GKAP1: variants seen among roughly 807,000 people sequenced by gnomAD.
GKAP1 encodes the protein G kinase anchoring protein 1, also known as G kinase-anchoring protein 1.
A neutral mutation model predicts 56.7 loss-of-function variants in GKAP1; 31 were observed. That is an observed-to-expected ratio of 0.55 (90% CI 0.41 to 0.74). GKAP1 has a LOEUF of 0.74. Among genes scored for constraint, GKAP1 ranks in the 30% least tolerant of loss-of-function variants. The pLI, the probability that GKAP1 is intolerant of heterozygous loss-of-function variation, is 0.00. For missense variants in GKAP1, 364 were observed against 402.3 expected (o/e 0.90, Z 0.82); for synonymous variants, 151 against 138.6 (o/e 1.09, Z -0.63).
intron 10 of GKAP1, among the ~76,000 whole-genome samples, chr9:83,747,646 T>C (rs960578897): frequency 6.6e-6 from 1 of 152,058 alleles, no homozygotes; most frequent in Non-Finnish European, 1.5e-5. Context: ...CAGCATTTTT[T>C]TTTTTTTTTG....
At chr9:83,795,588 C>CTTTTTTTTTTT (rs58291258) in intron 4 of GKAP1, among the ~76,000 whole-genome samples, 3 of 109,050 alleles carry the variant, frequency 2.8e-5, no homozygotes, top group African/African-American at 3.4e-5. Flanking sequence ...CTGAGAGTGT[C>CTTTTTTTTTTT]TTTTTTTTTT....
chr9:83,788,821 C>A, intron 4 of GKAP1, 143 bp from the exon 5 acceptor site: 1 of 474,034 alleles, frequency 2.1e-6, no homozygotes, highest in Non-Finnish European at 3.7e-6. Context: ...TCTAACCATG[C>A]CAAACTAGGA....
chr9:83,766,290 C>T (rs1335327512), intron 8 of GKAP1, among the ~76,000 whole-genome samples: 3 of 152,178 alleles, frequency 2.0e-5, no homozygotes, highest in Non-Finnish European at 4.4e-5. Context: ...GTCAATTACA[C>T]CTCTTTCCTT....
chr9:83,790,110 T>A (rs1944129541), intron 4 of GKAP1, among the ~76,000 whole-genome samples: 1 of 152,120 alleles, frequency 6.6e-6, no homozygotes, highest in South Asian at 2.1e-4. Context: ...TTTGAAAGCA[T>A]CTAATCCTAT....
chr9:83,806,734 C>T (rs76582580), intron 2 of GKAP1, among the ~76,000 whole-genome samples, 174 bp from the exon 3 acceptor site: 3,091 of 152,104 alleles, frequency 0.02, 50 homozygotes, highest in Middle Eastern at 0.041. Context: ...TTTAAGTAAA[C>T]GATATAACAT....
chr9:83,797,595 A>G (rs1944267844), intron 4 of GKAP1, among the ~76,000 whole-genome samples: 1 of 152,212 alleles, frequency 6.6e-6, no homozygotes, highest in South Asian at 2.1e-4. Flanking sequence ...GTGACCCATC[A>G]GTAGTATACT....
At chr9:83,753,871 C>T (rs769934247) in intron 8 of GKAP1, among the ~76,000 whole-genome samples, 1 of 152,052 alleles carries the variant, frequency 6.6e-6, no homozygotes, top group Non-Finnish European at 1.5e-5. Flanking sequence ...TATAAAATCT[C>T]GAAAATGACA....
At chr9:83,793,063 C>A in intron 4 of GKAP1, 1 of 1,000,186 alleles carries the variant, frequency 1.0e-6, no homozygotes, top group Non-Finnish European at 1.4e-6. Flanking sequence ...ACCTATAGCT[C>A]AATCAGTTAA....
rs768107270 is a variant in GKAP1 at position 83,788,703 on chromosome 9, AAC to A, written c.361-27_361-26del. ...GCTACAAAAAAAAAGTTTCACAATA[AAC>A]AGACAGTATCATTACATCACATGAG... On this transcript the variant is annotated intron_variant, in intron 4 of 12. Transcript: ENST00000376371. 3.7e-5 allele frequency: 54 copies of A among 1,465,560 alleles called. No homozygotes were observed. In the African/African-American group the frequency reaches 6.8e-4, roughly 18 times the overall value. The allele number at this position is 1,465,560 out of a possible 1,614,324, so 90.8% of individuals were successfully genotyped here.
chr9:83,812,443 T>A (rs1202361260), intron 2 of GKAP1, among the ~76,000 whole-genome samples: 1 of 150,470 alleles, frequency 6.6e-6, no homozygotes, highest in Non-Finnish European at 1.5e-5. Context: ...AACTTCCTGG[T>A]CTCAGGTGAT....
At chr9:83,773,538 A>C (rs565067002) in intron 7 of GKAP1, among the ~76,000 whole-genome samples, 9 of 152,216 alleles carry the variant, frequency 5.9e-5, no homozygotes, top group East Asian at 3.9e-4. Flanking sequence ...TAAAAAAAAA[A>C]CACACTTGAT....
intron 9 of GKAP1, among the ~76,000 whole-genome samples, chr9:83,750,982 C>T (rs1397119823): frequency 6.6e-6 from 1 of 152,044 alleles, no homozygotes. Flanking sequence ...ACTACAGGCG[C>T]GTGCCACCAA....
intron 8 of GKAP1, among the ~76,000 whole-genome samples, chr9:83,756,671 T>A (rs1943483595): frequency 6.6e-6 from 1 of 152,106 alleles, no homozygotes; most frequent in African/African-American, 2.4e-5. Context: ...AGGGTCATTT[T>A]TCTCCCACTA....
In GKAP1 at chr9:83,784,853, C is replaced by G; in HGVS notation, c.439-15G>C. 3 of 1,516,956 alleles carry G rather than the reference C, an allele frequency of 2.0e-6. No individual in the cohort carries two copies. The highest frequency in any genetic ancestry group is 2.7e-6 in the Non-Finnish European group (3 of 1,124,862). 94.0% of individuals were successfully genotyped at this position (1,516,956 alleles called of 1,614,324 possible). On this transcript the variant is annotated splice_polypyrimidine_tract_variant and intron_variant, in intron 5 of 12. Coordinates refer to ENST00000376371, the MANE Select transcript of GKAP1 (RefSeq NM_025211.4). ...TCTTCATACTCCTAAAAAGAATTAC[C>G]AACAACAATTAAGTTCAGTTTACAA...
chr9:83,801,786 C>G (rs1944335241), intron 3 of GKAP1, among the ~76,000 whole-genome samples: 2 of 152,086 alleles, frequency 1.3e-5, no homozygotes, highest in African/African-American at 4.8e-5. Context: ...ATCTTAATTC[C>G]TAAAAGAAAA....
At chr9:83,805,266 C>T (rs1322349951) in intron 3 of GKAP1, among the ~76,000 whole-genome samples, 1 of 152,066 alleles carries the variant, frequency 6.6e-6, no homozygotes, top group Non-Finnish European at 1.5e-5. Flanking sequence ...TGCTTGAAGG[C>T]AGCATGCTCG....
intron 3 of GKAP1, among the ~76,000 whole-genome samples, chr9:83,799,891 G>A (rs1462153318): frequency 1.3e-5 from 2 of 152,188 alleles, no homozygotes; most frequent in Admixed American, 1.3e-4. Flanking sequence ...CCTGAGCCCA[G>A]GGGGTTGAGG....
chr9:83,816,372 A>G (rs1242858833), intron 2 of GKAP1, among the ~76,000 whole-genome samples: 1 of 152,206 alleles, frequency 6.6e-6, no homozygotes, highest in Non-Finnish European at 1.5e-5. Context: ...GCAGGCCAAG[A>G]AAGTTAAACA....
At chr9:83,754,342 G>C (rs1421638521) in intron 8 of GKAP1, among the ~76,000 whole-genome samples, 1 of 152,196 alleles carries the variant, frequency 6.6e-6, no homozygotes, top group Non-Finnish European at 1.5e-5. Context: ...TCATACCTTT[G>C]ATGAGAATAT....
Sources: allele counts gnomAD v4.1 joint callset (sites outside exome capture counted in the v4.1 genomes callset), GRCh38; gene constraint gnomAD v4.1.1; transcripts MANE v1.5; gene names NCBI Gene and HGNC (gene_info 2026-07-23, HGNC 2026-07-21).